Variants in FRMPD4 observed in about 807,000 individuals in gnomAD.
The protein encoded by FRMPD4 is FERM and PDZ domain-containing protein 4.
Under a neutral mutation model 94.1 loss-of-function variants are expected in FRMPD4, and 22 were observed. The ratio of observed to expected loss-of-function variants is 0.23; its 90% confidence interval spans 0.17 to 0.33. FRMPD4 has a LOEUF of 0.33. Ranked by LOEUF, FRMPD4 falls within the 10% of genes least tolerant of loss-of-function variation. The probability of loss-of-function intolerance (pLI) is 1.00; values close to 1 mark genes in which losing one functional copy is unlikely to be tolerated. For missense variants in FRMPD4, 1,111 were observed against 1,339.9 expected (o/e 0.83, Z 2.67); for synonymous variants, 631 against 548.6 (o/e 1.15, Z -2.10).
At position 12,498,779 on chromosome X, in the gene FRMPD4, G is replaced by A; in HGVS notation, c.141G>A (p.Gly47=). 4 of 1,121,235 alleles carry A rather than the reference G, an allele frequency of 3.6e-6. No homozygotes were observed. The highest frequency in any genetic ancestry group is 4.9e-6 in the Non-Finnish European group (4 of 817,690). The allele number at this position is 1,121,235 out of a possible 1,213,427, so 92.4% of individuals were successfully genotyped here. The change falls in exon 2 of 17, where the codon GGG becomes GGA. Residue 47 remains glycine, a synonymous_variant. Coordinates refer to ENST00000675598, the MANE Select transcript of FRMPD4 (RefSeq NM_001368397.1). ...YGWEMTANRD[G]RDYFINHMTQ... ...GGGAGATGACGGCAAACCGAGATGG[G>A]CGAGACTACTTCATCAAGTAGGTTA...
intron 6 of FRMPD4, among the ~76,000 whole-genome samples, chrX:12,685,161 A>G (rs1362721752): frequency 1.8e-5 from 2 of 111,988 alleles, no homozygotes; most frequent in African/African-American, 6.5e-5. Context: ...GGAAATACTT[A>G]GGGACTGAAT....
Position 12,717,805 on chromosome X carries a change from C to T in FRMPD4, c.2979C>T (p.Asp993=). The T allele has an allele frequency of 8.3e-7, 1 of 1,211,487 alleles. No homozygotes were observed. The highest frequency in any genetic ancestry group is 1.8e-5 in the South Asian group (1 of 57,015). The change falls in exon 16 of 17, where the codon GAC becomes GAT. Residue 993 remains aspartate, a synonymous_variant. Transcript: ENST00000675598. ...VVPSKQLLHS[D]HMEMEPETME... The stretch of plus-strand genomic sequence containing the variant: ...CTTCCAAGCAGTTACTTCACTCAGA[C>T]CACATGGAGATGGAGCCTGAAACTA...
In FRMPD4 at chrX:12,722,569, C is replaced by G. The variant is rs1569081038; in HGVS notation, c.*711C>G. The G allele has an allele frequency of 9.0e-6, 1 of 111,210 alleles. No individual in the cohort carries two copies. Among genetic ancestry groups the G allele is most frequent in the Non-Finnish European group, 1.9e-5 (1 of 53,038 alleles). The allele number at this position is 111,210 out of a possible 1,213,427, so 9.2% of individuals were successfully genotyped here. ...TTAAAAAACTTCCCGGGGAGAAGAA[C>G]AGAGGGGATGATGGGCAGTTTCCTA... On this transcript the variant is annotated 3_prime_UTR_variant, in exon 17 of 17. Coordinates refer to ENST00000675598, the MANE Select transcript of FRMPD4 (RefSeq NM_001368397.1).
At chrX:11,841,676 A>T (rs750199147) in intron 1 of FRMPD4, among the ~76,000 whole-genome samples, 1 of 109,216 alleles carries the variant, frequency 9.2e-6, no homozygotes, top group African/African-American at 3.3e-5. Flanking sequence ...GGTTGCGAAA[A>T]TTTTCTCCCA....
intron 3 of FRMPD4, among the ~76,000 whole-genome samples, chrX:12,053,396 AAGAAAGAAAGAAAGAAAGAAAG>A: frequency 9.8e-6 from 1 of 101,982 alleles, no homozygotes; most frequent in Non-Finnish European, 2.0e-5. Context: ...GAAAGAAAGA[AAGAAAGAAAGAAAGAAAGAAAG>A]AAAGAAAGAA....
chrX:12,564,809 T>G (rs961830558), intron 2 of FRMPD4, among the ~76,000 whole-genome samples: 1 of 87,683 alleles, frequency 1.1e-5, no homozygotes, highest in African/African-American at 4.3e-5. Flanking sequence ...CTCATAGTAC[T>G]ACAAGGTAAG....
chrX:12,247,579 G>A (rs139866050), intron 1 of FRMPD4, among the ~76,000 whole-genome samples: 4 of 111,817 alleles, frequency 3.6e-5, no homozygotes, highest in Middle Eastern at 4.6e-3. Context: ...TAGAAATGGG[G>A]TCTCATTGTG....
intron 1 of FRMPD4, among the ~76,000 whole-genome samples, chrX:12,272,956 A>G (rs960800206): frequency 3.6e-5 from 4 of 110,518 alleles, no homozygotes; most frequent in African/African-American, 1.3e-4. Context: ...GCATGCCTAT[A>G]ATCCCAGCTA....
In FRMPD4 at chrX:12,718,489, C is replaced by T. The variant is rs1408441272; in HGVS notation, c.3663C>T (p.Gly1221=). ...CCCAAGGCTCTTCAGTGGATGCAGG[C>T]TGTGGCACAGGCAGCAGTGGCAGTG... is the stretch of plus-strand genomic sequence containing the variant. The part of the protein sequence containing the change: ...QSSQGSSVDA[G]CGTGSSGSAC... Residue 1221 remains glycine (G), a synonymous_variant, in exon 16 of 17, where the codon GGC becomes GGT. Coordinates refer to ENST00000675598, the MANE Select transcript of FRMPD4 (RefSeq NM_001368397.1). 1 of 1,205,126 alleles carries T rather than the reference C, an allele frequency of 8.3e-7. No homozygotes were observed. The highest frequency in any genetic ancestry group is 1.1e-6 in the Non-Finnish European group (1 of 890,457).
chrX:12,388,403 G>A (rs187142481), intron 1 of FRMPD4, among the ~76,000 whole-genome samples: 19 of 110,698 alleles, frequency 1.7e-4, no homozygotes, highest in Admixed American at 1.1e-3. Flanking sequence ...TCAGGAGTTC[G>A]AGACCAGCCT....
intron 9 of FRMPD4, 48 bp downstream of exon 9, chrX:12,694,502 T>C: frequency 9.9e-7 from 1 of 1,012,500 alleles, no homozygotes; most frequent in East Asian, 3.1e-5. Context: ...TGATATAAAC[T>C]AACTCTGGGG....
Position 12,716,398 on chromosome X carries a change from A to C in FRMPD4, c.1939A>C (p.Arg647=). The C allele has an allele frequency of 8.3e-7, 1 of 1,210,281 alleles. No individual in the cohort carries two copies. Among genetic ancestry groups the C allele is most frequent in the Non-Finnish European group, 1.1e-6 (1 of 894,184 alleles). ...TCTGAAGAAAGCACAGGAATCTCCG[A>C]GAGGAGCTAAAGTGTCCTTTATTTT... ...ETLKKAQESP[R]GAKVSFIFGD... Residue 647 remains arginine, a synonymous_variant, in exon 15 of 17, where the codon AGA becomes CGA. Transcript: ENST00000675598.
intron 1 of FRMPD4, among the ~76,000 whole-genome samples, chrX:12,260,543 T>C (rs1033496626): frequency 1.4e-4 from 16 of 112,104 alleles, no homozygotes; most frequent in Non-Finnish European, 2.1e-4. Flanking sequence ...CCAGTTCCCT[T>C]TGATGGCCTC....
intron 3 of FRMPD4, among the ~76,000 whole-genome samples, chrX:11,987,908 C>G (rs1339462334): frequency 1.4e-4 from 16 of 110,957 alleles, no homozygotes; most frequent in African/African-American, 5.2e-4. Flanking sequence ...GTAATCAAAA[C>G]TATAAGACAC....
intron 1 of FRMPD4, among the ~76,000 whole-genome samples, chrX:12,163,216 G>A (rs982096236): frequency 2.7e-5 from 3 of 110,796 alleles, no homozygotes; most frequent in African/African-American, 9.9e-5. Context: ...GAGATATCCA[G>A]GGTCTAATGA....
chrX:12,014,242 A>T (rs2054594425), intron 3 of FRMPD4, among the ~76,000 whole-genome samples: 1 of 111,928 alleles, frequency 8.9e-6, no homozygotes, highest in Admixed American at 9.5e-5. Context: ...AGCTACTTAA[A>T]GTCTATCCTC....
At chrX:12,232,857 G>C (rs1170488511) in intron 1 of FRMPD4, among the ~76,000 whole-genome samples, 1 of 112,052 alleles carries the variant, frequency 8.9e-6, no homozygotes, top group Admixed American at 9.5e-5. Flanking sequence ...TAACAGTATA[G>C]TAGGAGTTAT....
chrX:12,241,443 C>T lies in FRMPD4; in HGVS notation c.41+102431C>T, dbSNP rs189779642. 2.2e-3 allele frequency among the ~76,000 whole-genome samples: 248 copies of T among 112,265 alleles called. 1 individual carries two copies. Among genetic ancestry groups the T allele is most frequent in the African/African-American group, 7.2e-3 (224 of 30,950 alleles). The stretch of plus-strand genomic sequence containing the variant: ...AATACTACTGCCAAACCCCAATATT[C>T]GAGATTTCGTGGTGAAAGCACACTT... On this transcript the variant is annotated intron_variant, in intron 1 of 16. Transcript: ENST00000675598.
At chrX:12,242,119 T>G (rs1040939754) in intron 1 of FRMPD4, among the ~76,000 whole-genome samples, 1 of 111,969 alleles carries the variant, frequency 8.9e-6, no homozygotes, top group East Asian at 2.8e-4. Context: ...GACTTTGGAA[T>G]TGTAACTGAG....
Sources: allele counts gnomAD v4.1 joint callset (sites outside exome capture counted in the v4.1 genomes callset), GRCh38; gene constraint gnomAD v4.1.1; transcripts MANE v1.5; gene names NCBI Gene and HGNC (gene_info 2026-07-23, HGNC 2026-07-21).